Variants in RBM4 observed in about 807,000 individuals in gnomAD.
The protein encoded by RBM4 is RNA-binding protein 4.
In RBM4, 7 loss-of-function variants were observed where a neutral mutation model predicts 29.5. That is an observed-to-expected ratio of 0.24 (90% CI 0.14 to 0.45). The LOEUF (loss-of-function observed/expected upper bound fraction) is 0.45, where lower values mean the gene tolerates loss of function less well. Among genes scored for constraint, RBM4 ranks in the 20% least tolerant of loss-of-function variants. The probability of loss-of-function intolerance (pLI) is 1.00; values close to 1 mark genes in which losing one functional copy is unlikely to be tolerated. For synonymous variants in RBM4, 220 were observed against 205.4 expected, an observed-to-expected ratio of 1.07 and a Z score of -0.61; for missense variants, 387 against 502.3, an observed-to-expected ratio of 0.77 and a Z score of 2.19.
chr11:66,666,322 C>G lies in RBM4; in HGVS notation c.*357C>G, dbSNP rs74731917. On this transcript the variant is annotated 3_prime_UTR_variant, in exon 3 of 3. Transcript: ENST00000396053. ...CAAAGGGCCAAATCTTGGTCTTGATCTGTGCCAATCGACTTCAAAAGTTGT... is the reference window on the plus strand; with the variant it reads ...CAAAGGGCCAAATCTTGGTCTTGATGTGTGCCAATCGACTTCAAAAGTTGT... 1.9e-3 allele frequency: 1,986 copies of G among 1,040,378 alleles called. 30 individuals carry two copies. In the African/African-American group the frequency reaches 0.031, roughly 16 times the overall value. 64.4% of individuals were successfully genotyped at this position (1,040,378 alleles called of 1,614,324 possible). A position where few individuals can be genotyped will look rare whatever the true frequency, so the allele number is the denominator to read the frequency against.
intron 2 of RBM4, among the ~76,000 whole-genome samples, chr11:66,655,266 A>G (rs1219349938): frequency 6.6e-6 from 1 of 150,818 alleles, no homozygotes; most frequent in African/African-American, 2.4e-5. Flanking sequence ...GATTACAGGC[A>G]TGAGCCACTG....
In RBM4 at chr11:66,643,879, GAGCTGCTGCCACAGCTGCTGCTGC is replaced by G. The variant is rs1565081636; in HGVS notation, c.846_869del (p.Thr285_Ala292del). 1.2e-6 allele frequency: 2 copies of G among 1,613,592 alleles called. No homozygotes were observed. The highest frequency in any genetic ancestry group is 1.1e-5 in the South Asian group (1 of 91,058). On this transcript the variant is annotated inframe_deletion, in exon 3 of 4. Transcript: ENST00000310092. The surrounding 1 kb of genome is among the most constrained non-coding windows in gnomAD (Gnocchi z 6.1). ...GATAGACACCTGTTGCCGACCTCAG[GAGCTGCTGCCACAGCTGCTGCTGC>G]AGCAGCAGCCGCTGCTGCTGTTACT...
exon 3 of RBM4, chr11:66,667,484 C>A (rs1376511630): frequency 6.6e-6 from 1 of 152,102 alleles, no homozygotes; most frequent in Admixed American, 6.5e-5. Flanking sequence ...CAAATGACAG[C>A]ATAACAGACT....
At chr11:66,644,793 C>A in intron 3 of RBM4, 1 of 785,638 alleles carries the variant, frequency 1.3e-6, no homozygotes, top group Non-Finnish European at 1.5e-6. Flanking sequence ...TAAAGTTCCA[C>A]AAGGAAGTCT....
intron 3 of RBM4, among the ~76,000 whole-genome samples, chr11:66,645,771 T>C (rs1442894868): frequency 1.3e-5 from 2 of 152,186 alleles, no homozygotes; most frequent in Non-Finnish European, 2.9e-5. Flanking sequence ...GCAAGGAATG[T>C]CTCTTTGCCT....
intron 2 of RBM4, among the ~76,000 whole-genome samples, chr11:66,657,886 A>T (rs1032866248): frequency 8.6e-5 from 13 of 151,608 alleles, no homozygotes; most frequent in Non-Finnish European, 1.6e-4. Flanking sequence ...AGCATGCCCA[A>T]CTAATTTCTG....
At position 66,643,633 on chromosome 11, in the gene RBM4, C is replaced by T. The variant is rs1037547861; in HGVS notation, c.596C>T (p.Thr199Met). Residue 199 changes from threonine to methionine, a missense_variant, in exon 3 of 4, where the codon ACG becomes ATG. Coordinates refer to ENST00000310092, the MANE Select transcript of RBM4 (RefSeq NM_002896.4). The surrounding 1 kb of genome is among the most constrained non-coding windows in gnomAD (Gnocchi z 6.1). ...QYNEQYGAVR[T>M]PYTMSYGDSL... is the part of the protein sequence containing the mutation. ...AATGAGCAATACGGAGCAGTGCGTACGCCTTACACCATGAGCTATGGGGAT... is the reference window on the plus strand; with the variant it reads ...AATGAGCAATACGGAGCAGTGCGTATGCCTTACACCATGAGCTATGGGGAT... 5.6e-6 allele frequency: 9 copies of T among 1,614,072 alleles called. No individual in the cohort carries two copies. Among genetic ancestry groups the T allele is most frequent in the Non-Finnish European group, 7.6e-6 (9 of 1,180,048 alleles).
rs1430771169 is a variant in RBM4, at chr11:66,639,490, T to C, written c.-12-210T>C. On this transcript the variant is annotated intron_variant, in intron 1 of 3. Transcript: ENST00000310092. The stretch of plus-strand genomic sequence containing the variant: ...CTTTGTCTACTAAGGACCTCCCTAT[T>C]GCAGACGTCTTCTTATTCTTACAGG... The C allele has an allele frequency of 1.7e-5, 11 of 641,858 alleles. No homozygotes were observed. In the Admixed American group the frequency reaches 1.8e-4, roughly 11 times the overall value. The allele number at this position is 641,858 out of a possible 1,614,324, so 39.8% of individuals were successfully genotyped here.
chr11:66,660,322 ATTTC>A (rs933952398), intron 2 of RBM4, among the ~76,000 whole-genome samples: 6 of 134,924 alleles, frequency 4.4e-5, no homozygotes, highest in African/African-American at 1.1e-4. Flanking sequence ...ACTTATCACA[ATTTC>A]TTTTTTTTTG....
intron 2 of RBM4, among the ~76,000 whole-genome samples, chr11:66,659,579 G>T (rs1409861116): frequency 6.6e-6 from 1 of 152,004 alleles, no homozygotes. Flanking sequence ...GCACCTGGCT[G>T]GTTGTCTTAA....
At chr11:66,646,880 A>G (rs1454900395), downstream of RBM4, among the ~76,000 whole-genome samples, 2 of 152,232 alleles carry the variant, frequency 1.3e-5, no homozygotes, top group African/African-American at 4.8e-5. Flanking sequence ...GCCATGTGAA[A>G]AAATGAAGCT....
intron 2 of RBM4, among the ~76,000 whole-genome samples, chr11:66,653,506 C>T (rs1938877183): frequency 6.6e-6 from 1 of 151,966 alleles, no homozygotes; most frequent in South Asian, 2.1e-4. Context: ...GGACTATAGG[C>T]ACATGCCACC....
At chr11:66,666,147 T>C (rs558339266) in exon 3 of RBM4, 5 of 738,762 alleles carry the variant, frequency 6.8e-6, no homozygotes, top group Admixed American at 7.3e-5. Context: ...GTTCCAGTAG[T>C]TCCCCTAATT....
At chr11:66,660,237 C>G (rs1939048055) in intron 2 of RBM4, among the ~76,000 whole-genome samples, 5 of 151,764 alleles carry the variant, frequency 3.3e-5, no homozygotes, top group Admixed American at 3.3e-4. Flanking sequence ...AATGCCCTCC[C>G]AAACCACCTG....
intron 1 of RBM4, chr11:66,639,381 GATAGAAA>G (rs1443933540): frequency 3.1e-6 from 1 of 317,676 alleles, no homozygotes; most frequent in Non-Finnish European, 5.8e-6. Context: ...CCTCCTAGTG[GATAGAAA>G]AGCCTAGTAC....
intron 2 of RBM4, among the ~76,000 whole-genome samples, chr11:66,653,468 TCTC>T (rs1288882361): frequency 6.7e-6 from 1 of 149,736 alleles, no homozygotes; most frequent in African/African-American, 2.5e-5. Flanking sequence ...TCCAAGCAAA[TCTC>T]CTGTCTCAGC....
At chr11:66,652,732 G>A (rs756081504) in intron 2 of RBM4, among the ~76,000 whole-genome samples, 5 of 152,134 alleles carry the variant, frequency 3.3e-5, no homozygotes, top group Non-Finnish European at 4.4e-5. Flanking sequence ...GGTTTCGGGC[G>A]TGGTGGCGCA....
chr11:66,640,316 C>T (rs1405757774), intron 2 of RBM4, 193 bp downstream of exon 2: 2 of 739,670 alleles, frequency 2.7e-6, no homozygotes, highest in Admixed American at 5.7e-5. Flanking sequence ...CAAATGTCTC[C>T]TGGAGAAAAG....
rs925606481 is a variant in RBM4 at position 66,646,197 on chromosome 11, C to T, written c.*179C>T. On this transcript the variant is annotated 3_prime_UTR_variant, in exon 4 of 4. Transcript: ENST00000310092. ...CCTTCTCTTCCTTTCCTTTCCTTTC[C>T]TCTCCTGCCCATTTTCCTGTTCTTC... The T allele has an allele frequency of 1.7e-5, 25 of 1,468,650 alleles. No individual in the cohort carries two copies. Among genetic ancestry groups the T allele is most frequent in the Admixed American group, 2.3e-5 (1 of 43,372 alleles). 91.0% of individuals were successfully genotyped at this position (1,468,650 alleles called of 1,614,324 possible).
Sources: allele counts gnomAD v4.1 joint callset (sites outside exome capture counted in the v4.1 genomes callset), GRCh38; gene constraint gnomAD v4.1.1; non-coding constraint Gnocchi (gnomAD v3.1); transcripts MANE v1.5; gene names NCBI Gene and HGNC (gene_info 2026-07-23, HGNC 2026-07-21).